The following DNAJB1 variants were observed in gnomAD, a reference collection of about 807,000 sequenced individuals.
DNAJB1 encodes the protein dnaJ homolog subfamily B member 1.
In DNAJB1, 14 loss-of-function variants were observed where a neutral mutation model predicts 24.0. The observed-to-expected ratio is 0.58, with a 90% CI of 0.39 to 0.91. The LOEUF is 0.91. Ranked by LOEUF, DNAJB1 falls within the 40% of genes least tolerant of loss-of-function variation. The pLI is 0.00. For missense variants in DNAJB1, 517 were observed against 458.1 expected, an observed-to-expected ratio of 1.13 and a Z score of -1.17; for synonymous variants, 262 against 174.4, an observed-to-expected ratio of 1.50 and a Z score of -3.96.
Position 14,518,257 on chromosome 19 carries a change from G to A in DNAJB1, c.93C>T (p.Tyr31=). ...CGGGCTCCTTGTTCTTGTCCGGGTG[G>A]TAGCGCAGCGCCTGGCGGCGGTAGG... ...KRAYRRQALR[Y]HPDKNKEPGA... is the part of the protein sequence containing the mutation. Residue 31 remains tyrosine, a synonymous_variant, in exon 1 of 3, where the codon TAC becomes TAT. Transcript: ENST00000254322. The A allele has an allele frequency of 6.2e-7, 1 of 1,608,176 alleles. No individual in the cohort carries two copies. The highest frequency in any genetic ancestry group is 8.5e-7 in the Non-Finnish European group (1 of 1,177,946).
intron 1 of DNAJB1, among the ~76,000 whole-genome samples, chr19:14,548,205 G>A (rs113584558): frequency 1.8e-4 from 27 of 151,516 alleles, no homozygotes; most frequent in African/African-American, 6.3e-4. Context: ...TTCATGATCC[G>A]CCCCCTCGGC....
rs777712579 is a variant in DNAJB1 at position 14,518,101 on chromosome 19, C to A, written c.211+38G>T. On this transcript the variant is annotated intron_variant, in intron 1 of 2. Coordinates refer to ENST00000254322, the MANE Select transcript of DNAJB1 (RefSeq NM_006145.3). ...AGCGTGCCTCAGTTTCCCTGTCTGT[C>A]AAAAGGCGGGGCCGCGCCCCTGGCC... 1.3e-5 allele frequency: 18 copies of A among 1,429,938 alleles called. No homozygotes were observed. The African/African-American group carries it at 2.5e-4, about 20-fold the overall frequency. 88.6% of individuals were successfully genotyped at this position (1,429,938 alleles called of 1,614,324 possible). A position where few individuals can be genotyped will look rare whatever the true frequency, so the allele number is the denominator to read the frequency against.
intron 1 of DNAJB1, among the ~76,000 whole-genome samples, chr19:14,546,799 C>G (rs1403261997): frequency 1.3e-5 from 2 of 152,170 alleles, no homozygotes; most frequent in African/African-American, 4.8e-5. Context: ...AAGCCATTCT[C>G]CCACCTTAGC....
In DNAJB1 at chr19:14,542,347, G is replaced by GTTTTTTTT. The variant is rs71166754; in HGVS notation, c.-214+7853_-214+7860dup. On this transcript the variant is annotated intron_variant, in intron 1 of 3. Transcript: ENST00000676982. ...CCTCAGGGGGCCCTCATGCCATAGT[G>GTTTTTTTT]TTTTTTTTTTTTTTTTTTTTTTTTT... 4.0e-3 allele frequency among the ~76,000 whole-genome samples: 173 copies of GTTTTTTTT among 43,286 alleles called. 35 individuals are homozygous for GTTTTTTTT. The highest frequency in any genetic ancestry group is 0.042 in the Middle Eastern group (2 of 48). 28.4% of individuals were successfully genotyped at this position (43,286 alleles called of 152,430 possible).
chr19:14,549,715 C>T (rs1017861474), intron 1 of DNAJB1, among the ~76,000 whole-genome samples: 3 of 152,066 alleles, frequency 2.0e-5, no homozygotes, highest in Non-Finnish European at 2.9e-5. Flanking sequence ...GAGGCTTAGG[C>T]GGGCAGATCA....
intron 1 of DNAJB1, among the ~76,000 whole-genome samples, chr19:14,541,177 C>G (rs550790259): frequency 6.6e-6 from 1 of 151,814 alleles, no homozygotes. Context: ...GCAGTCTCAC[C>G]GTGTTGCCCA....
At chr19:14,528,470 C>T (rs2072487154) in intron 1 of DNAJB1, among the ~76,000 whole-genome samples, 1 of 151,056 alleles carries the variant, frequency 6.6e-6, no homozygotes, top group Non-Finnish European at 1.5e-5. Context: ...GAACTCCTCA[C>T]CTCGTGATCT....
rs774882978 is a variant in DNAJB1 at position 14,518,143 on chromosome 19, C to T, written c.207G>A (p.Glu69=). 4 of 1,555,974 alleles carry T rather than the reference C, an allele frequency of 2.6e-6. No homozygotes were observed. The highest frequency in any genetic ancestry group is 2.8e-5 in the African/African-American group (2 of 71,892). Residue 69 remains glutamate, a synonymous_variant, in exon 1 of 3, where the codon GAG becomes GAA. Transcript: ENST00000254322. ...CCCCTGGCCGCGAGCACACACCTTC[C>T]TCCCCGTAGCGGTCGAAGATCTCGC... ...RKREIFDRYG[E]EGLKGSGPSG...
At chr19:14,529,377 G>C, upstream of DNAJB1, 3 of 535,946 alleles carry the variant, frequency 5.6e-6, no homozygotes, top group East Asian at 9.7e-5. Context: ...GACCTCCTTT[G>C]GATTGGTGGA....
At chr19:14,553,985 G>T (rs2073630653), upstream of DNAJB1, among the ~76,000 whole-genome samples, 1 of 152,220 alleles carries the variant, frequency 6.6e-6, no homozygotes, top group South Asian at 2.1e-4. Context: ...ACCAGGAAGT[G>T]CAGTCCCCTG....
upstream of DNAJB1, chr19:14,530,825 T>A (rs2072615914): frequency 6.6e-6 from 1 of 152,162 alleles, no homozygotes; most frequent in Non-Finnish European, 1.5e-5. Context: ...AAGTGTGCAG[T>A]TCAGTGGCAT....
chr19:14,543,936 C>T (rs188396113), intron 1 of DNAJB1, among the ~76,000 whole-genome samples: 7 of 151,790 alleles, frequency 4.6e-5, no homozygotes, highest in Admixed American at 4.6e-4. Flanking sequence ...CAGGGTTTCA[C>T]CATGTTGGCC....
upstream of DNAJB1, chr19:14,529,367 G>T (rs899714764): frequency 2.7e-5 from 14 of 515,424 alleles, no homozygotes; most frequent in Admixed American, 2.6e-4. Flanking sequence ...GCGGGGCAGA[G>T]ACCTCCTTTG....
chr19:14,546,932 T>TG, intron 1 of DNAJB1, among the ~76,000 whole-genome samples: 1 of 152,294 alleles, frequency 6.6e-6, no homozygotes, highest in South Asian at 2.1e-4. Flanking sequence ...TCAAGTGATC[T>TG]GATCTGCCCG....
upstream of DNAJB1, among the ~76,000 whole-genome samples, chr19:14,522,671 G>GACAC (rs1185246122): frequency 4.8e-5 from 3 of 63,040 alleles, no homozygotes; most frequent in African/African-American, 1.4e-4. Flanking sequence ...CACAAACACA[G>GACAC]ACACACACAC....
intron 2 of DNAJB1, among the ~76,000 whole-genome samples, chr19:14,525,602 G>C (rs754766127): frequency 2.4e-4 from 37 of 152,140 alleles, no homozygotes; most frequent in Non-Finnish European, 4.4e-4. Context: ...CAACCTTCTG[G>C]AAAAGGCAAA....
At chr19:14,545,998 G>A (rs1025206725) in intron 1 of DNAJB1, 1 of 152,228 alleles carries the variant, frequency 6.6e-6, no homozygotes, top group Non-Finnish European at 1.5e-5. Flanking sequence ...TGGACTAGGA[G>A]TTGGGACCCT....
At chr19:14,537,119 G>A (rs1001401274) in intron 1 of DNAJB1, among the ~76,000 whole-genome samples, 3 of 144,008 alleles carry the variant, frequency 2.1e-5, no homozygotes, top group Admixed American at 7.1e-5. Context: ...CTGAGGTGGA[G>A]GAGGTGGTTC....
rs556566721 is a variant in DNAJB1 at position 14,557,196 on chromosome 19, A to G, written c.-2166+2835T>C. On this transcript the variant is annotated intron_variant, in intron 1 of 5. Transcript: ENST00000679223. ...GCTGTGTCGCCCAGGCTGGAGTGCA[A>G]TGGCATAAACTCAGCTCACTGCAAC... Among the ~76,000 whole-genome samples, 10 of 149,428 alleles carry G rather than the reference A, an allele frequency of 6.7e-5. No homozygotes were observed. In the East Asian group the frequency reaches 7.9e-4, roughly 12 times the overall value.
Sources: allele counts gnomAD v4.1 joint callset (sites outside exome capture counted in the v4.1 genomes callset), GRCh38; gene constraint gnomAD v4.1.1; transcripts MANE v1.5; gene names NCBI Gene and HGNC (gene_info 2026-07-23, HGNC 2026-07-21).